Variants in USP32 observed in about 807,000 individuals in gnomAD.
USP32 encodes ubiquitin specific peptidase 32.
In USP32, 59 loss-of-function variants were observed where a neutral mutation model predicts 204.8. The ratio of observed to expected loss-of-function variants is 0.29; its 90% confidence interval spans 0.23 to 0.36. USP32 has a LOEUF of 0.36. Ranked by LOEUF, USP32 falls within the 10% of genes least tolerant of loss-of-function variation. The pLI is 1.00. For missense variants in USP32, 1,160 were observed against 1,946.4 expected, an observed-to-expected ratio of 0.60 and a Z score of 7.60; for synonymous variants, 517 against 678.4, an observed-to-expected ratio of 0.76 and a Z score of 3.70.
chr17:60,385,169 T>C (rs553260023), intron 1 of USP32, among the ~76,000 whole-genome samples: 1 of 152,336 alleles, frequency 6.6e-6, no homozygotes, highest in Non-Finnish European at 1.5e-5. Flanking sequence ...TTCCTTCTCC[T>C]GGCTCAGAAG....
intron 26 of USP32, among the ~76,000 whole-genome samples, chr17:60,200,038 A>T (rs916516502): frequency 3.3e-5 from 5 of 152,030 alleles, no homozygotes; most frequent in Admixed American, 6.6e-5. Context: ...TACTAAAAAC[A>T]CAAAAATTAT....
chr17:60,353,043 AATGT>A (rs2146031100), intron 1 of USP32, among the ~76,000 whole-genome samples: 1 of 152,362 alleles, frequency 6.6e-6, no homozygotes, highest in South Asian at 2.1e-4. Flanking sequence ...TTATGAAATG[AATGT>A]ATGTGTCCTC....
At chr17:60,194,059 T>C (rs1449489199) in intron 27 of USP32, among the ~76,000 whole-genome samples, 3 of 152,088 alleles carry the variant, frequency 2.0e-5, no homozygotes, top group East Asian at 1.9e-4. Flanking sequence ...ATTTTTTTTT[T>C]TGAGACAGGG....
chr17:60,301,773 T>C, intron 2 of USP32, 69 bp from the exon 3 acceptor site: 1 of 1,128,414 alleles, frequency 8.9e-7, no homozygotes, highest in Non-Finnish European at 1.3e-6. Context: ...GCAGCTATCA[T>C]CTTTAACAAA....
chr17:60,293,723 T>C (rs1418203040), intron 4 of USP32, among the ~76,000 whole-genome samples: 1 of 152,172 alleles, frequency 6.6e-6, no homozygotes, highest in Non-Finnish European at 1.5e-5. Flanking sequence ...ATGCAAAGGC[T>C]GAAATATGGA....
At chr17:60,227,065 A>ATT (rs57025255) in intron 12 of USP32, among the ~76,000 whole-genome samples, 1 of 145,356 alleles carries the variant, frequency 6.9e-6, no homozygotes, top group Middle Eastern at 3.6e-3. Context: ...AAAAAATCAT[A>ATT]TTTTTTTCTT....
intron 11 of USP32, among the ~76,000 whole-genome samples, chr17:60,238,203 T>A (rs967162777): frequency 6.6e-6 from 1 of 152,198 alleles, no homozygotes; most frequent in Non-Finnish European, 1.5e-5. Context: ...TGGAGAAACA[T>A]GTATTCAAGT....
At chr17:60,204,797 CAG>C (rs1009062978) in intron 26 of USP32, among the ~76,000 whole-genome samples, 6 of 150,808 alleles carry the variant, frequency 4.0e-5, no homozygotes, top group African/African-American at 1.5e-4. Flanking sequence ...TTTTCTTTTT[CAG>C]ACAGGGTCTT....
intron 12 of USP32, among the ~76,000 whole-genome samples, chr17:60,228,942 C>T (rs548114727): frequency 6.6e-6 from 1 of 151,992 alleles, no homozygotes; most frequent in East Asian, 1.9e-4. Flanking sequence ...GGTGGGATTA[C>T]AGGTGTGAGC....
chr17:60,256,184 A>C (rs1201095564), intron 9 of USP32, among the ~76,000 whole-genome samples: 1 of 152,090 alleles, frequency 6.6e-6, no homozygotes, highest in African/African-American at 2.4e-5. Flanking sequence ...TGAAAAAAAA[A>C]ATAATAAAAA....
intron 5 of USP32, among the ~76,000 whole-genome samples, chr17:60,285,206 C>CTT (rs2087080470): frequency 6.6e-6 from 1 of 152,044 alleles, no homozygotes; most frequent in Non-Finnish European, 1.5e-5. Context: ...ATATGAGTAA[C>CTT]AATATAAATA....
chr17:60,228,377 T>C (rs1396520809), intron 12 of USP32, among the ~76,000 whole-genome samples: 1 of 152,110 alleles, frequency 6.6e-6, no homozygotes, highest in East Asian at 1.9e-4. Context: ...AAAAAAGAAG[T>C]ATAAATTAGT....
intron 1 of USP32, among the ~76,000 whole-genome samples, chr17:60,365,484 A>C (rs36039286): frequency 6.6e-6 from 1 of 151,938 alleles, no homozygotes; most frequent in Non-Finnish European, 1.5e-5. Context: ...TCCATCTCAA[A>C]AAATAAATAA....
At chr17:60,194,334 G>A (rs554613915) in intron 27 of USP32, among the ~76,000 whole-genome samples, 5 of 152,096 alleles carry the variant, frequency 3.3e-5, no homozygotes, top group Admixed American at 6.6e-5. Flanking sequence ...GTGAGTCACC[G>A]CACCCTACCC....
chr17:60,309,197 A>G (rs1390135612), intron 2 of USP32, among the ~76,000 whole-genome samples: 3 of 152,190 alleles, frequency 2.0e-5, no homozygotes, highest in African/African-American at 7.2e-5. Flanking sequence ...AAATTAAGAG[A>G]CAACCTGTAG....
intron 1 of USP32, among the ~76,000 whole-genome samples, chr17:60,352,926 T>G (rs2088983609): frequency 6.6e-6 from 1 of 152,236 alleles, no homozygotes; most frequent in Non-Finnish European, 1.5e-5. Flanking sequence ...AAAAATGATC[T>G]TTGATGATTT....
chr17:60,203,598 C>T (rs1010063311), intron 26 of USP32, among the ~76,000 whole-genome samples: 10 of 151,444 alleles, frequency 6.6e-5, no homozygotes, highest in African/African-American at 1.2e-4. Flanking sequence ...TTATTTAAGA[C>T]GGAGTTTTGC....
chr17:60,260,472 A>C (rs907227667), intron 9 of USP32, among the ~76,000 whole-genome samples: 1 of 151,900 alleles, frequency 6.6e-6, no homozygotes, highest in Non-Finnish European at 1.5e-5. Flanking sequence ...GAAGTGAGCC[A>C]AAATCACGCT....
chr17:60,326,466 A>G (rs1170361954), intron 2 of USP32, among the ~76,000 whole-genome samples: 2 of 152,050 alleles, frequency 1.3e-5, no homozygotes, highest in African/African-American at 4.8e-5. Context: ...ACCGACAACC[A>G]TGCTCGGCTA....
Sources: allele counts gnomAD v4.1 joint callset (sites outside exome capture counted in the v4.1 genomes callset), GRCh38; gene constraint gnomAD v4.1.1; transcripts MANE v1.5; gene names NCBI Gene and HGNC (gene_info 2026-07-23, HGNC 2026-07-21).